The following NALF1 variants were observed in gnomAD, a reference collection of about 807,000 sequenced individuals.
NALF1 encodes the protein NALCN channel auxiliary factor 1.
A neutral mutation model predicts 48.4 loss-of-function variants in NALF1; 3 were observed. The observed-to-expected ratio is 0.06, with a 90% CI of 0.03 to 0.16. The LOEUF (loss-of-function observed/expected upper bound fraction) is 0.16, where lower values mean the gene tolerates loss of function less well. NALF1 is among the 10% of genes least tolerant of loss of function. The probability of loss-of-function intolerance (pLI) is 1.00; values close to 1 mark genes in which losing one functional copy is unlikely to be tolerated. For synonymous variants in NALF1, 262 were observed against 245.7 expected (o/e 1.07, Z -0.62); for missense variants, 526 against 571.5 (o/e 0.92, Z 0.81).
intron 2 of NALF1, among the ~76,000 whole-genome samples, chr13:107,171,787 G>GTGT (rs1257341228): frequency 6.6e-6 from 1 of 151,974 alleles, no homozygotes; most frequent in Non-Finnish European, 1.5e-5. Context: ...TTATCCATGG[G>GTGT]TGTTAGAATG....
intron 1 of NALF1, among the ~76,000 whole-genome samples, chr13:107,301,718 GT>G (rs1348916743): frequency 1.3e-5 from 2 of 151,948 alleles, no homozygotes; most frequent in African/African-American, 2.4e-5. Context: ...GAATTAACAT[GT>G]TTTGGCCACT....
intron 1 of NALF1, among the ~76,000 whole-genome samples, chr13:107,434,620 A>G (rs1314457948): frequency 6.6e-6 from 1 of 152,236 alleles, no homozygotes; most frequent in African/African-American, 2.4e-5. Context: ...GAATAGAGCT[A>G]TGCGAAGAGG....
At chr13:107,177,131 C>A (rs994794966) in intron 2 of NALF1, among the ~76,000 whole-genome samples, 3 of 151,786 alleles carry the variant, frequency 2.0e-5, no homozygotes, top group African/African-American at 4.8e-5. Context: ...ATGATAGCTA[C>A]AAATAAAAGA....
chr13:107,340,594 C>T (rs1284219177), intron 1 of NALF1, among the ~76,000 whole-genome samples: 1 of 151,016 alleles, frequency 6.6e-6, no homozygotes, highest in Non-Finnish European at 1.5e-5. Context: ...AAGAGAGGAA[C>T]AGTTGTGTAT....
Position 107,345,885 on chromosome 13 carries a change from A to T in NALF1, c.916-135130T>A, listed in dbSNP as rs187153770. 2.8e-3 allele frequency among the ~76,000 whole-genome samples: 432 copies of T among 152,286 alleles called. 1 individual carries two copies. Among genetic ancestry groups the T allele is most frequent in the Non-Finnish European group, 4.1e-3 (282 of 68,028 alleles). Reference sequence around the variant, plus strand: ...GTTAATATCCAGAACTTACAAAAAGATCTTGCAACTCAACAACACAAATAG... The same window carrying T: ...GTTAATATCCAGAACTTACAAAAAGTTCTTGCAACTCAACAACACAAATAG... On this transcript the variant is annotated intron_variant, in intron 1 of 2. Transcript: ENST00000375915.
chr13:107,344,166 A>G (rs913677271), intron 1 of NALF1, among the ~76,000 whole-genome samples: 12 of 152,192 alleles, frequency 7.9e-5, no homozygotes, highest in Admixed American at 5.9e-4. Context: ...CAACAGATTT[A>G]TAACTATTAA....
intron 1 of NALF1, among the ~76,000 whole-genome samples, chr13:107,399,907 C>A (rs561414441): frequency 2.6e-5 from 4 of 152,194 alleles, no homozygotes; most frequent in Admixed American, 6.5e-5. Context: ...GAATTATTTA[C>A]ATAAAATTAT....
At chr13:107,510,428 A>G (rs936225937) in intron 1 of NALF1, among the ~76,000 whole-genome samples, 1 of 152,214 alleles carries the variant, frequency 6.6e-6, no homozygotes, top group Non-Finnish European at 1.5e-5. Flanking sequence ...AAGGAAAATC[A>G]GGGCCAGAAT....
chr13:107,471,164 G>A (rs1885094186), intron 1 of NALF1, among the ~76,000 whole-genome samples: 1 of 152,230 alleles, frequency 6.6e-6, no homozygotes, highest in Non-Finnish European at 1.5e-5. Flanking sequence ...CTTATGGCAT[G>A]TGTGTGCGCA....
At chr13:107,494,509 G>A (rs1294026970) in intron 1 of NALF1, among the ~76,000 whole-genome samples, 1 of 152,148 alleles carries the variant, frequency 6.6e-6, no homozygotes. Flanking sequence ...GGTTGCCTGT[G>A]CTGTTTGTCC....
At chr13:107,413,778 A>G (rs1884035505) in intron 1 of NALF1, among the ~76,000 whole-genome samples, 1 of 152,112 alleles carries the variant, frequency 6.6e-6, no homozygotes. Context: ...AGTAATATAT[A>G]GAAATATTTT....
intron 1 of NALF1, among the ~76,000 whole-genome samples, chr13:107,537,453 G>A (rs1328116377): frequency 6.6e-6 from 1 of 152,050 alleles, no homozygotes; most frequent in Non-Finnish European, 1.5e-5. Context: ...GAGATTTGTT[G>A]AACACTTGAT....
chr13:107,430,447 TG>T (rs1236018907), intron 1 of NALF1, among the ~76,000 whole-genome samples: 1 of 151,958 alleles, frequency 6.6e-6, no homozygotes. Flanking sequence ...CCCCTCCCCC[TG>T]CTCCCTCCAC....
At chr13:107,464,989 AT>A (rs967894725) in intron 1 of NALF1, among the ~76,000 whole-genome samples, 7 of 151,042 alleles carry the variant, frequency 4.6e-5, no homozygotes, top group South Asian at 2.1e-4. Flanking sequence ...TCATTTATTC[AT>A]TTTTTTTCAC....
intron 1 of NALF1, among the ~76,000 whole-genome samples, chr13:107,650,290 G>A (rs1880419156): frequency 6.6e-6 from 1 of 151,592 alleles, no homozygotes; most frequent in Non-Finnish European, 1.5e-5. Flanking sequence ...AAGGGGGCGA[G>A]CGATGAGGCT....
chr13:107,507,573 G>A (rs1329707709), intron 1 of NALF1, among the ~76,000 whole-genome samples: 1 of 122,616 alleles, frequency 8.2e-6, no homozygotes, highest in Non-Finnish European at 1.6e-5. Context: ...TGTCCTAGAT[G>A]CCTAGATGTT....
intron 1 of NALF1, among the ~76,000 whole-genome samples, chr13:107,815,268 TA>T (rs66787147): frequency 0.026 from 3,898 of 152,076 alleles, 170 homozygotes; most frequent in African/African-American, 0.089. Flanking sequence ...TGATTTTTTT[TA>T]AAACTTTTAT....
intron 1 of NALF1, among the ~76,000 whole-genome samples, chr13:107,597,639 A>G (rs575848202): frequency 6.6e-6 from 1 of 152,202 alleles, no homozygotes; most frequent in Non-Finnish European, 1.5e-5. Context: ...AAAAGCTTAC[A>G]AAAGAAAAAA....
rs76723856 is a variant in NALF1, at chr13:107,866,761, T to A, written c.-165A>T. 1.6e-6 allele frequency: 1 copy of A among 606,556 alleles called. No homozygotes were observed. Among genetic ancestry groups the A allele is most frequent in the Non-Finnish European group, 2.9e-6 (1 of 344,996 alleles). The allele number at this position is 606,556 out of a possible 1,614,324, so 37.6% of individuals were successfully genotyped here. ...TCTTCCCCTCTCCCTCTCTCCTCTC[T>A]CTCTCTCTCCCTCTCCCTCTCTTTT... On this transcript the variant is annotated 5_prime_UTR_variant, in exon 1 of 3. Coordinates refer to ENST00000375915, the MANE Select transcript of NALF1 (RefSeq NM_001080396.3). The surrounding 1 kb of genome is among the most constrained non-coding windows in gnomAD (Gnocchi z 4.4).
Sources: allele counts gnomAD v4.1 joint callset (sites outside exome capture counted in the v4.1 genomes callset), GRCh38; gene constraint gnomAD v4.1.1; non-coding constraint Gnocchi (gnomAD v3.1); transcripts MANE v1.5; gene names NCBI Gene and HGNC (gene_info 2026-07-23, HGNC 2026-07-21).